Variants in ASTN2 observed in about 807,000 individuals in gnomAD.
ASTN2 encodes astrotactin-2.
A neutral mutation model predicts 139.8 loss-of-function variants in ASTN2; 54 were observed. The ratio of observed to expected loss-of-function variants is 0.39; its 90% CI spans 0.31 to 0.48. The LOEUF (loss-of-function observed/expected upper bound fraction) is 0.48. ASTN2 is among the 20% of genes least tolerant of loss of function. The pLI, the probability that ASTN2 is intolerant of heterozygous loss-of-function variation, is 0.95. For missense variants in ASTN2, 1,565 were observed against 1,725.1 expected, an observed-to-expected ratio of 0.91 and a Z score of 1.64; for synonymous variants, 756 against 719.5, an observed-to-expected ratio of 1.05 and a Z score of -0.81.
In ASTN2 at chr9:117,039,772, G is replaced by A. The variant is rs764693841; in HGVS notation, c.1423+47C>T. The A allele has an allele frequency of 1.0e-5, 16 of 1,578,094 alleles. No homozygotes were observed. The South Asian group carries it at 1.7e-4, about 17-fold the overall frequency. On this transcript the variant is annotated intron_variant, in intron 6 of 22. Coordinates refer to ENST00000313400, the MANE Select transcript of ASTN2 (RefSeq NM_001365068.1). ...CAGAAACCTTTGACCAGTCAGGGGT[G>A]CAAGGTGCTGAGTGGGTGTGGAGCA...
intron 3 of ASTN2, among the ~76,000 whole-genome samples, chr9:117,191,387 GAA>G (rs1426724667): frequency 6.6e-6 from 1 of 151,956 alleles, no homozygotes; most frequent in Non-Finnish European, 1.5e-5. Context: ...ATATAAAAGG[GAA>G]AAGACAGAAA....
At chr9:117,206,926 G>T (rs1239862245) in intron 3 of ASTN2, among the ~76,000 whole-genome samples, 1 of 152,098 alleles carries the variant, frequency 6.6e-6, no homozygotes, top group Non-Finnish European at 1.5e-5. Context: ...TCCCTGGCCT[G>T]CCTAATAGTT....
intron 11 of ASTN2, among the ~76,000 whole-genome samples, chr9:116,845,935 A>G (rs1832416501): frequency 6.6e-6 from 1 of 152,222 alleles, no homozygotes; most frequent in African/African-American, 2.4e-5. Flanking sequence ...TATTCATAGC[A>G]TTGTCATTCA....
At chr9:117,346,088 G>C (rs1476693598) in intron 1 of ASTN2, among the ~76,000 whole-genome samples, 2 of 151,212 alleles carry the variant, frequency 1.3e-5, no homozygotes, top group Non-Finnish European at 2.9e-5. Context: ...CTCAGTGGAG[G>C]CTCAGGGGTG....
At chr9:117,199,958 G>A (rs896368092) in intron 3 of ASTN2, among the ~76,000 whole-genome samples, 1 of 151,948 alleles carries the variant, frequency 6.6e-6, no homozygotes, top group Non-Finnish European at 1.5e-5. Flanking sequence ...TCATGTAAAG[G>A]AATGCTTGTG....
At chr9:116,435,282 C>A (rs1181350105) in intron 22 of ASTN2, among the ~76,000 whole-genome samples, 1 of 152,170 alleles carries the variant, frequency 6.6e-6, no homozygotes, top group Non-Finnish European at 1.5e-5. Context: ...AAGCCCTGGG[C>A]TCCTGGCTTT....
intron 20 of ASTN2, among the ~76,000 whole-genome samples, chr9:116,476,924 GGCTCCCCTCTGCCTGCAGGAGAAAGCCCA>G (rs1848998566): frequency 6.6e-6 from 1 of 152,084 alleles, no homozygotes; most frequent in African/African-American, 2.4e-5. Flanking sequence ...TGCCCTTCCT[GGCTCCCCTCTGCCTGCAGGAGAAAGCCCA>G]GCTCCCCTCC....
At chr9:117,396,717 C>T (rs1257481856) in intron 1 of ASTN2, among the ~76,000 whole-genome samples, 1 of 151,970 alleles carries the variant, frequency 6.6e-6, no homozygotes, top group Admixed American at 6.6e-5. Context: ...AGGTATGCAC[C>T]ACCATGCCCA....
At chr9:116,670,649 A>G (rs1435836881) in intron 16 of ASTN2, among the ~76,000 whole-genome samples, 2 of 152,172 alleles carry the variant, frequency 1.3e-5, no homozygotes, top group Non-Finnish European at 2.9e-5. Context: ...CAGCCACCAT[A>G]AAGAGGAAAG....
chr9:116,986,303 T>C (rs1265167727), intron 7 of ASTN2, among the ~76,000 whole-genome samples: 2 of 152,122 alleles, frequency 1.3e-5, no homozygotes, highest in East Asian at 1.9e-4. Context: ...GTCCAGATCT[T>C]ACTGCTGCAG....
At chr9:117,410,135 G>T (rs1474294033) in intron 1 of ASTN2, among the ~76,000 whole-genome samples, 1 of 152,188 alleles carries the variant, frequency 6.6e-6, no homozygotes, top group Admixed American at 6.5e-5. Context: ...TGTTGACAAT[G>T]AGTGCTTATT....
At chr9:116,870,827 G>A (rs578233569) in intron 10 of ASTN2, among the ~76,000 whole-genome samples, 1 of 152,304 alleles carries the variant, frequency 6.6e-6, no homozygotes, top group South Asian at 2.1e-4. Flanking sequence ...CACTCATAGA[G>A]AGATGTGAAT....
chr9:116,919,894 T>G (rs1834552438), intron 10 of ASTN2, among the ~76,000 whole-genome samples: 1 of 147,178 alleles, frequency 6.8e-6, no homozygotes, highest in African/African-American at 2.5e-5. Context: ...TGAGCTGAGA[T>G]CACACCACTG....
intron 10 of ASTN2, among the ~76,000 whole-genome samples, chr9:116,888,364 T>C (rs943000636): frequency 6.6e-6 from 1 of 152,200 alleles, no homozygotes; most frequent in African/African-American, 2.4e-5. Flanking sequence ...TGACAACATA[T>C]TGTTTTCTGG....
chr9:116,907,429 G>A (rs1834193110), intron 10 of ASTN2, among the ~76,000 whole-genome samples: 1 of 152,210 alleles, frequency 6.6e-6, no homozygotes, highest in Non-Finnish European at 1.5e-5. Flanking sequence ...TCCAAGAAGT[G>A]ACAGCTTGCT....
chr9:117,076,313 G>A (rs775068069), intron 5 of ASTN2, among the ~76,000 whole-genome samples: 22 of 152,044 alleles, frequency 1.4e-4, no homozygotes, highest in Non-Finnish European at 2.2e-4. Flanking sequence ...AGGGGACTGC[G>A]TGATTAGAAT....
chr9:116,698,781 G>A lies in ASTN2; in HGVS notation c.2806+26990C>T. The A allele has an allele frequency of 6.2e-7, 1 of 1,614,188 alleles. No homozygotes were observed. Among genetic ancestry groups the A allele is most frequent in the East Asian group, 2.2e-5 (1 of 44,870 alleles). On this transcript the variant is annotated intron_variant, in intron 16 of 22. Transcript: ENST00000313400. The surrounding 1 kb of genome is among the most constrained non-coding windows in gnomAD (Gnocchi z 4.4). ...CTCACCTGCTAAACAGCGGGGTCCT[G>A]AGGCAGCCTCCAATATCCAGCAGTG...
At chr9:116,865,887 T>C (rs1833001564) in intron 10 of ASTN2, among the ~76,000 whole-genome samples, 1 of 152,192 alleles carries the variant, frequency 6.6e-6, no homozygotes, top group Non-Finnish European at 1.5e-5. Context: ...CATTCATTTA[T>C]TCATTGTACA....
intron 19 of ASTN2, among the ~76,000 whole-genome samples, chr9:116,527,025 T>G (rs1047323132): frequency 1.3e-5 from 2 of 152,184 alleles, no homozygotes; most frequent in African/African-American, 4.8e-5. Flanking sequence ...TCTCACATCA[T>G]GTACAAAAGT....
Sources: gnomAD v4.1 joint callset for allele counts (sites outside exome capture counted in the v4.1 genomes callset) on GRCh38, gnomAD v4.1.1 for gene constraint, Gnocchi (gnomAD v3.1) non-coding constraint, MANE v1.5 for transcripts, NCBI Gene and HGNC (gene_info 2026-07-23, HGNC 2026-07-21) for gene names.